The following TTN variants were observed in gnomAD, a reference collection of about 807,000 sequenced individuals.
TTN encodes the protein connectin.
TTN carries 1,525 observed loss-of-function variants against 3,223.0 expected under a neutral mutation model. The observed-to-expected ratio is 0.47, with a 90% CI of 0.45 to 0.49. The LOEUF (loss-of-function observed/expected upper bound fraction) is 0.49. Among genes scored for constraint, TTN ranks in the 20% least tolerant of loss-of-function variants. The probability of loss-of-function intolerance (pLI) is 0.00; values close to 1 mark genes in which losing one functional copy is unlikely to be tolerated. For synonymous variants in TTN, 14,094 were observed against 15,161.0 expected, an observed-to-expected ratio of 0.93 and a Z score of 5.17; for missense variants, 40,786 against 43,424.0, an observed-to-expected ratio of 0.94 and a Z score of 5.40.
In TTN at chr2:178,585,330, T is replaced by G; in HGVS notation, c.64414A>C (p.Met21472Leu). 1 of 1,591,834 alleles carries G rather than the reference T, an allele frequency of 6.3e-7. No individual in the cohort carries two copies. ...GCTTTGATAGTTATTTGCTCTGGCATAAGGATCTTTGGTGGCACTGAAAGT... is the reference window on the plus strand; with the variant it reads ...GCTTTGATAGTTATTTGCTCTGGCAGAAGGATCTTTGGTGGCACTGAAAGT... Reference protein sequence around the residue: ...KEQLLPPKILMPEQITIKAGK... With the variant: ...KEQLLPPKILLPEQITIKAGK... The change falls in exon 309 of 363, where the codon ATG becomes CTG. Residue 21472 changes from methionine to leucine, a missense_variant. By Grantham distance (15) the Met-to-Leu change is conservative. Coordinates refer to ENST00000589042, the MANE Select transcript of TTN (RefSeq NM_001267550.2).
Position 178,563,055 on chromosome 2 carries a change from A to C in TTN, c.83077T>G (p.Leu27693Val), listed in dbSNP as rs1329220257. ...CCTTTGATAGTGACAAATAAGCGTAAAGTAGCACTTGCACGCAGAACGACC... is the reference window on the plus strand; with the variant it reads ...CCTTTGATAGTGACAAATAAGCGTACAGTAGCACTTGCACGCAGAACGACC... The part of the protein sequence containing the change: ...KVVVLRASAT[L>V]RLFVTIKGRP... Residue 27693 changes from leucine to valine, a missense_variant, in exon 326 of 363, where the codon TTA (leucine) becomes GTA (valine). Transcript: ENST00000589042. The surrounding 1 kb of genome is among the most constrained non-coding windows in gnomAD (Gnocchi z 4.5). 6.2e-7 allele frequency: 1 copy of C among 1,613,622 alleles called. No individual in the cohort carries two copies. The highest frequency in any genetic ancestry group is 8.5e-7 in the Non-Finnish European group (1 of 1,179,684).
In TTN at chr2:178,573,901, T is replaced by C. The variant is rs1423712037; in HGVS notation, c.72231A>G (p.Glu24077=). 5 of 1,611,482 alleles carry C rather than the reference T, an allele frequency of 3.1e-6. No homozygotes were observed. The highest frequency in any genetic ancestry group is 4.2e-6 in the Non-Finnish European group (5 of 1,178,142). The part of the protein sequence containing the change: ...GKELEGTAKL[E]IKIADFSTNL... ...TAGTAGAGAAATCTGCAATTTTTAT[T>C]TCTAACTTTGCTGTGCCTTCCAGCT... is the stretch of plus-strand genomic sequence containing the variant. The change falls in exon 326 of 363, where the codon GAA becomes GAG. Residue 24077 remains glutamate, a synonymous_variant. Transcript: ENST00000589042.
chr2:178,748,739 A>AT lies in TTN; in HGVS notation c.11311+4384dup, dbSNP rs771985828. The AT allele has an allele frequency of 4.3e-6, 7 of 1,612,358 alleles. No individual in the cohort carries two copies. Among genetic ancestry groups the AT allele is most frequent in the South Asian group, 2.2e-5 (2 of 90,970 alleles). ...AATTGCAGGTTTATCTATAAGACTT[A>AT]TTTTTTCCTGTTGTTCCCTTTCTTG... On this transcript the variant is annotated intron_variant, in intron 47 of 362. Transcript: ENST00000589042.
At chr2:178,783,585 G>C in intron 17 of TTN, 135 bp downstream of exon 17, 1 of 746,372 alleles carries the variant, frequency 1.3e-6, no homozygotes, top group Non-Finnish European at 2.2e-6. Flanking sequence ...GACCAAATAC[G>C]GTCTTAAAAT....
At chr2:178,781,916 G>A (rs1301376907) in intron 20 of TTN, among the ~76,000 whole-genome samples, 10 of 151,776 alleles carry the variant, frequency 6.6e-5, no homozygotes, top group African/African-American at 1.9e-4. Flanking sequence ...GTGTGTGTGT[G>A]TGTGTGTGTG....
At chr2:178,685,628 A>G (rs1464295504) in intron 127 of TTN, 30 bp from the exon 128 acceptor site, 1 of 1,597,098 alleles carries the variant, frequency 6.3e-7, no homozygotes, top group Non-Finnish European at 8.6e-7. Flanking sequence ...AAAGAAGATA[A>G]ATTACAGTGT....
intron 326 of TTN, 198 bp downstream of exon 326, chr2:178,559,113 A>G: frequency 2.3e-6 from 1 of 444,410 alleles, no homozygotes; most frequent in Non-Finnish European, 3.9e-6. Flanking sequence ...AATTTTAGCT[A>G]CGTAAATTTC....
chr2:178,788,429 T>C (rs1272301909), intron 13 of TTN, among the ~76,000 whole-genome samples: 1 of 152,110 alleles, frequency 6.6e-6, no homozygotes, highest in Non-Finnish European at 1.5e-5. Flanking sequence ...GGAATTTCTG[T>C]CATTTATGAG....
At position 178,615,802 on chromosome 2, in the gene TTN, A is replaced by G. The variant is rs759062437; in HGVS notation, c.48313-14T>C. 10 of 1,601,848 alleles carry G rather than the reference A, an allele frequency of 6.2e-6. No homozygotes were observed. The highest frequency in any genetic ancestry group is 4.3e-6 in the Non-Finnish European group (5 of 1,175,310). ...AAAGTCCATAACCTGGGACAAAGAA[A>G]TACAGTTAATCAGTTATTTCCAAAA... On this transcript the variant is annotated splice_polypyrimidine_tract_variant and intron_variant, in intron 257 of 362. Coordinates refer to ENST00000589042, the MANE Select transcript of TTN (RefSeq NM_001267550.2).
chr2:178,745,774 T>G, intron 47 of TTN: 2 of 1,613,156 alleles, frequency 1.2e-6, no homozygotes. Context: ...AAACCGTGGG[T>G]CTTGGAGAGC....
rs889828846 is a variant in TTN, at chr2:178,611,335, G to A, written c.50857+37C>T. On this transcript the variant is annotated intron_variant, in intron 269 of 362. Coordinates refer to ENST00000589042, the MANE Select transcript of TTN (RefSeq NM_001267550.2). ...GTCAAAATGCAATGCATGAATAAAG[G>A]GTATTTTATTAACTATAAAAGACCT... The A allele has an allele frequency of 4.3e-6, 7 of 1,610,542 alleles. No homozygotes were observed. The East Asian group carries it at 1.6e-4, about 36-fold the overall frequency.
At position 178,554,093 on chromosome 2, in the gene TTN, C is replaced by A. The variant is rs200639218; in HGVS notation, c.89018G>T (p.Arg29673Leu). Reference sequence around the variant, plus strand: ...AAACCATCCTAGGCTCTTCTTGTCTCGTTTTTCAAGGAAATAGCCACTTAT... The same window carrying A: ...AAACCATCCTAGGCTCTTCTTGTCTAGTTTTTCAAGGAAATAGCCACTTAT... ...SDISGYFLEK[R>L]DKKSLGWFKV... is the part of the protein sequence containing the mutation. Residue 29673 changes from arginine (R) to leucine (L), a missense_variant, in exon 333 of 363, where the codon CGA (arginine) becomes CTA (leucine). By Grantham distance (102) the Arg-to-Leu change is moderately radical (BLOSUM62 -2). Transcript: ENST00000589042. 10 of 1,613,744 alleles carry A rather than the reference C, an allele frequency of 6.2e-6. No individual in the cohort carries two copies. Among genetic ancestry groups the A allele is most frequent in the Admixed American group, 1.7e-5 (1 of 59,996 alleles).
chr2:178,673,606 G>C (rs375054365), intron 152 of TTN, 27 bp downstream of exon 152: 6 of 1,498,132 alleles, frequency 4.0e-6, no homozygotes, highest in African/African-American at 1.4e-5. Context: ...GGAAGTTAAA[G>C]ATATTAATAA....
chr2:178,564,965 C>T lies in TTN; in HGVS notation c.81167G>A (p.Ser27056Asn). ...AACTGCCTTAGAATCCAGTGGGGCA[C>T]TTTTTCCATACCTGTTTTCAGCAAA... ...RIFAENRYGK[S>N]APLDSKAVIV... Residue 27056 changes from serine (S) to asparagine (N), a missense_variant, in exon 326 of 363, where the codon AGT becomes AAT. By Grantham distance (46) the Ser-to-Asn change is conservative (BLOSUM62 1). Transcript: ENST00000589042. 6.2e-7 allele frequency: 1 copy of T among 1,612,012 alleles called. No homozygotes were observed. The highest frequency in any genetic ancestry group is 8.5e-7 in the Non-Finnish European group (1 of 1,178,994).
In TTN at chr2:178,694,080, T is replaced by G. The variant is rs1320035953; in HGVS notation, c.31427-72A>C. ...GACATCAGATCAAACACATGGATTT[T>G]ATACTCAAGTATTTAGACACAGAAT... On this transcript the variant is annotated intron_variant, in intron 117 of 362. Transcript: ENST00000589042. 40 of 1,151,094 alleles carry G rather than the reference T, an allele frequency of 3.5e-5. 1 individual carries two copies. In the South Asian group the frequency reaches 5.6e-4, roughly 16 times the overall value. 71.3% of individuals were successfully genotyped at this position (1,151,094 alleles called of 1,614,324 possible).
rs1709305155 is a variant in TTN at position 178,574,295 on chromosome 2, G to T, written c.71837C>A (p.Ala23946Asp). 2 of 1,613,296 alleles carry T rather than the reference G, an allele frequency of 1.2e-6. No homozygotes were observed. The highest frequency in any genetic ancestry group is 1.7e-6 in the Non-Finnish European group (2 of 1,179,620). ...AAAGCCCCCAGTATATTCAGGCTTA[G>T]CCCATTTAAGTGTTACTGTGTGTCT... ...ITRHTVTLKW[A>D]KPEYTGGFKI... The change falls in exon 326 of 363, where the codon GCT becomes GAT. Residue 23946 changes from alanine (A) to aspartate (D), a missense_variant. Ala to Asp is a moderately radical substitution (Grantham distance 126, BLOSUM62 -2). Coordinates refer to ENST00000589042, the MANE Select transcript of TTN (RefSeq NM_001267550.2).
rs1469282496 is a variant in TTN at position 178,804,591 on chromosome 2, G to A, written c.52C>T (p.Leu18=). ...FTQPLQSVVV[L]EGSTATFEAH... is the part of the protein sequence containing the mutation. ...TCAAAGGTTGCGGTACTACCCTCCA[G>A]TACCACAACGCTTTGTAACGGCTGC... Residue 18 remains leucine (L), a synonymous_variant, in exon 2 of 363, where the codon CTG becomes TTG. Coordinates refer to ENST00000589042, the MANE Select transcript of TTN (RefSeq NM_001267550.2). 2 of 1,613,910 alleles carry A rather than the reference G, an allele frequency of 1.2e-6. No individual in the cohort carries two copies. The highest frequency in any genetic ancestry group is 2.2e-5 in the East Asian group (1 of 44,874).
In TTN at chr2:178,673,683, G is replaced by A. The variant is rs746552848; in HGVS notation, c.34736C>T (p.Pro11579Leu). 6 of 1,590,630 alleles carry A rather than the reference G, an allele frequency of 3.8e-6. No individual in the cohort carries two copies. The East Asian group carries it at 1.1e-4, about 30-fold the overall frequency. ...RVPEVIKKAV[P>L]EAPTPVPKKV... ...TTTAGGAACAGGAGTAGGTGCTTCA[G>A]GTACTGCTTTCTTAATCACTTCAGG... is the stretch of plus-strand genomic sequence containing the variant. Residue 11579 changes from proline to leucine, a missense_variant, in exon 152 of 363, where the codon CCT (proline) becomes CTT (leucine). By Grantham distance (98) the Pro-to-Leu change is moderately conservative. Transcript: ENST00000589042.
At chr2:178,719,913 G>C (rs1415777925) in intron 81 of TTN, 70 bp downstream of exon 81, 37 of 1,542,578 alleles carry the variant, frequency 2.4e-5, no homozygotes, top group Non-Finnish European at 3.2e-5. Flanking sequence ...CTGGATAAGA[G>C]GAATATTTGA....
Sources: allele counts gnomAD v4.1 joint callset (sites outside exome capture counted in the v4.1 genomes callset), GRCh38; gene constraint gnomAD v4.1.1; non-coding constraint Gnocchi (gnomAD v3.1); transcripts MANE v1.5; gene names NCBI Gene and HGNC (gene_info 2026-07-23, HGNC 2026-07-21).